PAM: variants seen among roughly 807,000 people sequenced by gnomAD.
The protein encoded by PAM is peptidylglycine alpha-amidating monooxygenase, also known as peptidyl-glycine alpha-amidating monooxygenase.
Under a neutral mutation model 122.1 loss-of-function variants are expected in PAM, and 72 were observed. The ratio of observed to expected loss-of-function variants is 0.59; its 90% CI spans 0.49 to 0.72. The LOEUF (loss-of-function observed/expected upper bound fraction) is 0.72. Among genes scored for constraint, PAM ranks in the 30% least tolerant of loss-of-function variants. PAM has a pLI of 0.00. For missense variants in PAM, 1,106 were observed against 1,183.7 expected, an observed-to-expected ratio of 0.93 and a Z score of 0.96; for synonymous variants, 389 against 404.4, an observed-to-expected ratio of 0.96 and a Z score of 0.46.
intron 16 of PAM, among the ~76,000 whole-genome samples, chr5:103,001,766 C>T (rs1777467770): frequency 6.6e-6 from 1 of 151,966 alleles, no homozygotes; most frequent in Non-Finnish European, 1.5e-5. Context: ...ACATAAGTTC[C>T]ATAAATATGG....
intron 16 of PAM, among the ~76,000 whole-genome samples, chr5:102,994,626 A>C (rs1463287852): frequency 2.0e-5 from 3 of 152,112 alleles, no homozygotes; most frequent in Non-Finnish European, 2.9e-5. Flanking sequence ...CCTTATGTAG[A>C]ATTTGTAATC....
chr5:103,017,352 G>C lies in PAM; in HGVS notation c.2350G>C (p.Asp784His), dbSNP rs759238953. The change falls in exon 22 of 26, where the codon GAT (aspartate) becomes CAT (histidine). Residue 784 changes from aspartate to histidine, a missense_variant. Transcript: ENST00000438793. Reference sequence around the variant, plus strand: ...TTGGCAGCACTTTGATATGCCTCATGATATTGTTGCATCTGAAGATGGGAC... The same window carrying C: ...TTGGCAGCACTTTGATATGCCTCATCATATTGTTGCATCTGAAGATGGGAC... ...PVRKHFDMPH[D>H]IVASEDGTVY... is the part of the protein sequence containing the mutation. 1.9e-6 allele frequency: 3 copies of C among 1,609,920 alleles called. No individual in the cohort carries two copies. The highest frequency in any genetic ancestry group is 2.6e-6 in the Non-Finnish European group (3 of 1,176,362).
intron 21 of PAM, 115 bp downstream of exon 21, chr5:103,009,981 A>G (rs1780147325): frequency 4.8e-6 from 2 of 413,758 alleles, no homozygotes; most frequent in African/African-American, 2.1e-5. Context: ...AAGATGTGAT[A>G]ACTTTCTTAG....
intron 7 of PAM, among the ~76,000 whole-genome samples, chr5:102,933,726 C>A (rs907222969): frequency 1.3e-5 from 2 of 152,166 alleles, no homozygotes; most frequent in African/African-American, 2.4e-5. Context: ...AGACTACTGC[C>A]AGGAAGCTAT....
At chr5:102,962,674 A>G (rs1241729009) in intron 14 of PAM, among the ~76,000 whole-genome samples, 3 of 151,874 alleles carry the variant, frequency 2.0e-5, no homozygotes, top group Non-Finnish European at 4.4e-5. Flanking sequence ...CTAAAAGGTT[A>G]AAAACCCAGG....
chr5:102,910,445 T>C (rs987032211), intron 4 of PAM, among the ~76,000 whole-genome samples: 3 of 151,926 alleles, frequency 2.0e-5, no homozygotes, highest in African/African-American at 7.2e-5. Flanking sequence ...AGTCACTTTT[T>C]TGGAGTCTTA....
At chr5:102,784,094 C>T (rs910483914) in intron 1 of PAM, among the ~76,000 whole-genome samples, 1 of 152,018 alleles carries the variant, frequency 6.6e-6, no homozygotes, top group African/African-American at 2.4e-5. Context: ...GGGGTTTCAC[C>T]GTGTTAGCCA....
intron 3 of PAM, among the ~76,000 whole-genome samples, chr5:102,877,074 T>C (rs1789456120): frequency 6.6e-6 from 1 of 152,248 alleles, no homozygotes. Flanking sequence ...ATCAGAACTC[T>C]GTCCCACCAC....
chr5:102,813,890 T>C (rs1768743167), intron 1 of PAM, among the ~76,000 whole-genome samples: 1 of 152,196 alleles, frequency 6.6e-6, no homozygotes, highest in Admixed American at 6.5e-5. Flanking sequence ...GAACAGATGG[T>C]AGCCATCTTT....
At chr5:102,893,039 A>G (rs1172820345) in intron 3 of PAM, among the ~76,000 whole-genome samples, 1 of 151,790 alleles carries the variant, frequency 6.6e-6, no homozygotes, top group African/African-American at 2.4e-5. Flanking sequence ...AAACCTTCAA[A>G]ATATCAGTTA....
chr5:102,782,451 T>C (rs769540332), intron 1 of PAM, among the ~76,000 whole-genome samples: 2 of 152,180 alleles, frequency 1.3e-5, no homozygotes, highest in Non-Finnish European at 2.9e-5. Flanking sequence ...ATAATAAATA[T>C]GATTGACAGC....
At chr5:102,854,496 GC>G (rs1445503074) in intron 1 of PAM, among the ~76,000 whole-genome samples, 1 of 152,106 alleles carries the variant, frequency 6.6e-6, no homozygotes, top group East Asian at 1.9e-4. Context: ...GAGAGAGAAA[GC>G]TAATAAGATC....
At chr5:102,996,981 T>C (rs1025003770) in intron 16 of PAM, among the ~76,000 whole-genome samples, 5 of 152,172 alleles carry the variant, frequency 3.3e-5, no homozygotes, top group Admixed American at 2.0e-4. Flanking sequence ...ATGAACAGAT[T>C]CTCTAATCAG....
At chr5:102,900,139 A>T (rs1797294479) in intron 3 of PAM, among the ~76,000 whole-genome samples, 1 of 151,090 alleles carries the variant, frequency 6.6e-6, no homozygotes, top group Admixed American at 6.6e-5. Context: ...AGAACAAATA[A>T]TAAAATCTCC....
intron 1 of PAM, chr5:102,865,391 C>T (rs1785247995): frequency 6.6e-6 from 1 of 152,292 alleles, no homozygotes. Context: ...TTGTCTTTGC[C>T]TCTCTTCGTT....
At chr5:102,838,959 G>C (rs1201328981) in intron 1 of PAM, among the ~76,000 whole-genome samples, 1 of 152,138 alleles carries the variant, frequency 6.6e-6, no homozygotes, top group Non-Finnish European at 1.5e-5. Flanking sequence ...AATCTTGGGA[G>C]AAGTACACCT....
intron 1 of PAM, among the ~76,000 whole-genome samples, chr5:102,789,198 G>A (rs1761395048): frequency 6.6e-6 from 1 of 151,998 alleles, no homozygotes; most frequent in African/African-American, 2.4e-5. Context: ...CTGAATTTGA[G>A]GATAATTGAT....
At chr5:102,979,256 A>T (rs1240400633) in intron 15 of PAM, among the ~76,000 whole-genome samples, 1 of 152,172 alleles carries the variant, frequency 6.6e-6, no homozygotes, top group Non-Finnish European at 1.5e-5. Flanking sequence ...TTTAAAAAGG[A>T]AAAGAATACT....
chr5:102,920,986 T>C (rs1436776500), intron 5 of PAM, among the ~76,000 whole-genome samples: 1 of 152,142 alleles, frequency 6.6e-6, no homozygotes, highest in Non-Finnish European at 1.5e-5. Flanking sequence ...AAAATATTCA[T>C]GCCATCTGAA....
Sources: allele counts gnomAD v4.1 joint callset (sites outside exome capture counted in the v4.1 genomes callset), GRCh38; gene constraint gnomAD v4.1.1; transcripts MANE v1.5; gene names NCBI Gene and HGNC (gene_info 2026-07-23, HGNC 2026-07-21).